The following LCK variants were observed in gnomAD, a reference collection of about 807,000 sequenced individuals.
The protein encoded by LCK is tyrosine-protein kinase Lck.
A neutral mutation model predicts 64.6 loss-of-function variants in LCK; 14 were observed. The ratio of observed to expected loss-of-function variants is 0.22; its 90% CI spans 0.14 to 0.34. LCK has a LOEUF of 0.34. Ranked by LOEUF, LCK falls within the 10% of genes least tolerant of loss-of-function variation. LCK has a pLI of 1.00. For missense variants in LCK, 434 were observed against 668.1 expected (o/e 0.65, Z 3.86); for synonymous variants, 277 against 263.6 (o/e 1.05, Z -0.49).
In LCK at chr1:32,251,853, T is replaced by C. The variant is rs552729015; in HGVS notation, c.-6+482T>C. 6.6e-6 allele frequency among the ~76,000 whole-genome samples: 1 copy of C among 151,630 alleles called. No homozygotes were observed. Among genetic ancestry groups the C allele is most frequent in the African/African-American group, 2.4e-5 (1 of 41,270 alleles). On this transcript the variant is annotated intron_variant, in intron 1 of 12. Transcript: ENST00000336890. This position sits in a 1 kb window ranked among gnomAD's most constrained non-coding sequence, Gnocchi z 4.0. The stretch of plus-strand genomic sequence containing the variant: ...GACTCAGAGGACCCAGGAATCCTTC[T>C]GGTTTCTGGGGCAGACCCCAGTGAC...
At chr1:32,279,805 C>G in intron 10 of LCK, 36 bp from the exon 11 acceptor site, 1 of 1,612,592 alleles carries the variant, frequency 6.2e-7, no homozygotes, top group Non-Finnish European at 8.5e-7. Flanking sequence ...GTGAAGACAT[C>G]TGGCTCAGGA....
Position 32,285,644 on chromosome 1 carries a change from C to A in LCK, c.1458C>A (p.Thr486=), listed in dbSNP as rs1250759441. Reference sequence around the variant, plus strand: ...AGGAGCGCCCAGAGGACCGGCCCACCTTTGACTACCTGCGCAGTGTGCTGG... The same window carrying A: ...AGGAGCGCCCAGAGGACCGGCCCACATTTGACTACCTGCGCAGTGTGCTGG... ...CWKERPEDRP[T]FDYLRSVLED... The change falls in exon 13 of 13, where the codon ACC becomes ACA. Residue 486 remains threonine, a synonymous_variant. Coordinates refer to ENST00000336890, the MANE Select transcript of LCK (RefSeq NM_005356.5). 6.2e-7 allele frequency: 1 copy of A among 1,614,168 alleles called. No homozygotes were observed. The highest frequency in any genetic ancestry group is 2.2e-5 in the East Asian group (1 of 44,880).
At chr1:32,252,182 T>C (rs1639525345) in intron 1 of LCK, among the ~76,000 whole-genome samples, 1 of 152,066 alleles carries the variant, frequency 6.6e-6, no homozygotes, top group Non-Finnish European at 1.5e-5. Context: ...TGGTCCTGGG[T>C]GAGGAAGCGC....
chr1:32,270,782 C>T (rs113367254), intron 1 of LCK, among the ~76,000 whole-genome samples: 4,821 of 145,198 alleles, frequency 0.033, 279 homozygotes, highest in African/African-American at 0.12. Context: ...CGGCTCACTG[C>T]AACCTCTACC....
At chr1:32,277,480 G>C (rs1640318225) in intron 9 of LCK, among the ~76,000 whole-genome samples, 1 of 152,042 alleles carries the variant, frequency 6.6e-6, no homozygotes, top group South Asian at 2.1e-4. Context: ...TGCCCCCAAA[G>C]CCCTCTTTTT....
At chr1:32,259,573 T>C (rs2124312004) in intron 1 of LCK, among the ~76,000 whole-genome samples, 1 of 151,346 alleles carries the variant, frequency 6.6e-6, no homozygotes. Context: ...TGAGCCGAGA[T>C]TGCACCACTG....
chr1:32,282,150 C>T (rs977973509), intron 12 of LCK, among the ~76,000 whole-genome samples: 4 of 152,194 alleles, frequency 2.6e-5, no homozygotes, highest in Non-Finnish European at 5.9e-5. Context: ...CCCAAACCAG[C>T]GTCCAGGGGT....
At chr1:32,282,651 A>C (rs951176297) in intron 12 of LCK, among the ~76,000 whole-genome samples, 1 of 151,938 alleles carries the variant, frequency 6.6e-6, no homozygotes, top group Non-Finnish European at 1.5e-5. Context: ...TAAAAATACA[A>C]AAATATTAGC....
Position 32,284,401 on chromosome 1 carries a change from G to A in LCK, c.1328-1113G>A, listed in dbSNP as rs183272354. On this transcript the variant is annotated intron_variant, in intron 12 of 12. Transcript: ENST00000336890. ...TTGAGACAAGAGTCTGGCTTGAGTT[G>A]CTCAGGCTGGAGTGCAGTGGCACAG... 2.4e-4 allele frequency among the ~76,000 whole-genome samples: 35 copies of A among 148,382 alleles called. No individual in the cohort carries two copies. In the East Asian group the frequency reaches 5.7e-3, roughly 24 times the overall value.
intron 1 of LCK, among the ~76,000 whole-genome samples, chr1:32,273,150 GGTGA>G (rs1344831255): frequency 2.1e-4 from 26 of 122,810 alleles, no homozygotes; most frequent in South Asian, 1.5e-3. Context: ...GTGTGTGGGG[GGTGA>G]GTGTGTGTGT....
At position 32,281,762 on chromosome 1, in the gene LCK, G is replaced by A. The variant is rs540498487; in HGVS notation, c.1327+1552G>A. 3.3e-5 allele frequency among the ~76,000 whole-genome samples: 5 copies of A among 152,158 alleles called. No individual in the cohort carries two copies. In the South Asian group the frequency reaches 1.0e-3, roughly 32 times the overall value. ...AAGGTGAACAGACCTTTGCTCCAAG[G>A]AAGGTAAAGACACCTTGGAAGGCCG... On this transcript the variant is annotated intron_variant, in intron 12 of 12. Transcript: ENST00000336890.
intron 1 of LCK, among the ~76,000 whole-genome samples, chr1:32,272,321 G>T (rs959114224): frequency 6.6e-6 from 1 of 151,824 alleles, no homozygotes; most frequent in African/African-American, 2.4e-5. Flanking sequence ...GGGTTCGGTG[G>T]TGCATGCCTA....
chr1:32,271,501 AC>A (rs1240407763), intron 1 of LCK, among the ~76,000 whole-genome samples: 1 of 151,802 alleles, frequency 6.6e-6, no homozygotes, highest in African/African-American at 2.4e-5. Context: ...ACATAGCAAT[AC>A]CCCCATCTCT....
At chr1:32,257,369 C>T (rs1639656577) in intron 1 of LCK, among the ~76,000 whole-genome samples, 1 of 151,966 alleles carries the variant, frequency 6.6e-6, no homozygotes, top group South Asian at 2.1e-4. Flanking sequence ...CTCACCTCAG[C>T]CTCCCAAGTA....
intron 1 of LCK, among the ~76,000 whole-genome samples, chr1:32,253,535 GC>G (rs1639558300): frequency 6.6e-6 from 1 of 152,060 alleles, no homozygotes; most frequent in Non-Finnish European, 1.5e-5. Flanking sequence ...GCCCACCTCG[GC>G]CCCCCAAAGT....
At chr1:32,255,454 G>A (rs1034386567) in intron 1 of LCK, among the ~76,000 whole-genome samples, 1 of 152,170 alleles carries the variant, frequency 6.6e-6, no homozygotes, top group African/African-American at 2.4e-5. Flanking sequence ...GTGTATGCGG[G>A]ATGTCTTTCC....
chr1:32,282,606 C>T (rs1426993519), intron 12 of LCK, among the ~76,000 whole-genome samples: 1 of 152,048 alleles, frequency 6.6e-6, no homozygotes. Flanking sequence ...GAGTTTGAGA[C>T]CAGCCTGGCC....
At chr1:32,260,971 A>C (rs1639753317) in intron 1 of LCK, among the ~76,000 whole-genome samples, 2 of 152,208 alleles carry the variant, frequency 1.3e-5, no homozygotes, top group Admixed American at 1.3e-4. Flanking sequence ...TCAGCCACGA[A>C]GCTGGCACAC....
chr1:32,278,265 G>A (rs695161), intron 9 of LCK, among the ~76,000 whole-genome samples: 90,987 of 152,080 alleles, frequency 0.6, 27,913 homozygotes, highest in East Asian at 0.99. Context: ...TTCTTTGGGA[G>A]TGTAAGATCT....
Sources: gnomAD v4.1 joint callset for allele counts (sites outside exome capture counted in the v4.1 genomes callset) on GRCh38, gnomAD v4.1.1 for gene constraint, Gnocchi (gnomAD v3.1) non-coding constraint, MANE v1.5 for transcripts, NCBI Gene and HGNC (gene_info 2026-07-23, HGNC 2026-07-21) for gene names.